CPSF1: variants seen among roughly 807,000 people sequenced by gnomAD.
CPSF1 encodes the protein cleavage and polyadenylation specific factor 1, also known as cleavage and polyadenylation specificity factor subunit 1.
CPSF1 carries 106 observed loss-of-function variants against 175.8 expected under a neutral mutation model. The ratio of observed to expected loss-of-function variants is 0.60; its 90% CI spans 0.52 to 0.71. The LOEUF (loss-of-function observed/expected upper bound fraction) is 0.71. Ranked by LOEUF, CPSF1 falls within the 30% of genes least tolerant of loss-of-function variation. The pLI is 0.00. For synonymous variants in CPSF1, 1,024 were observed against 858.3 expected (o/e 1.19, Z -3.37); for missense variants, 1,734 against 2,022.9 (o/e 0.86, Z 2.74).
At position 144,401,018 on chromosome 8, in the gene CPSF1, A is replaced by G. The variant is rs2116880540; in HGVS notation, c.445T>C (p.Cys149Arg). The change falls in exon 6 of 38, where the codon TGT becomes CGT. Residue 149 changes from cysteine (C) to arginine (R), a missense_variant. Around this residue, in one of 10 missense-constraint regions of CPSF1, gnomAD observed 122 missense variants for 177.2 expected, o/e 0.69. Transcript: ENST00000616140. ...PRVRVDPDGR[C>R]AAMLVYGTRL... ...GTGCCGTAGACAAGCATGGCTGCAC[A>G]GCGCCCGTCGGGGTCCACCCGCACT... is the stretch of plus-strand genomic sequence containing the variant. 5 of 1,609,706 alleles carry G rather than the reference A, an allele frequency of 3.1e-6. No individual in the cohort carries two copies. The highest frequency in any genetic ancestry group is 4.2e-6 in the Non-Finnish European group (5 of 1,177,896).
At position 144,399,912 on chromosome 8, in the gene CPSF1, G is replaced by A. The variant is rs2116867828; in HGVS notation, c.1032-44C>T. The stretch of plus-strand genomic sequence containing the variant: ...CTGAGTCGGGGATGGGGACCCTGGG[G>A]GAGTGAAGGGGGCCAGGGGACCCTA... On this transcript the variant is annotated intron_variant, in intron 10 of 37. Transcript: ENST00000616140. This position sits in a 1 kb window ranked among gnomAD's most constrained non-coding sequence, Gnocchi z 6.4. The A allele has an allele frequency of 1.3e-6, 2 of 1,557,664 alleles. No homozygotes were observed. Among genetic ancestry groups the A allele is most frequent in the East Asian group, 2.4e-5 (1 of 42,390 alleles).
rs1390839885 is a variant in CPSF1 at position 144,398,232 on chromosome 8, C to A, written c.1894+70G>T. The A allele has an allele frequency of 4.7e-6, 5 of 1,068,932 alleles. No homozygotes were observed. In the African/African-American group the frequency reaches 5.3e-5, roughly 11 times the overall value. The allele number at this position is 1,068,932 out of a possible 1,614,324, so 66.2% of individuals were successfully genotyped here. A position where few individuals can be genotyped will look rare whatever the true frequency, so the allele number is the denominator to read the frequency against. On this transcript the variant is annotated intron_variant, in intron 19 of 37. Transcript: ENST00000616140. ...TGCCCAGGGCCCAACCACCTCCCCC[C>A]CACCGTCCCCACCCACCTACCTCCT...
chr8:144,396,546 A>G, intron 25 of CPSF1, 46 bp from the exon 26 acceptor site: 1 of 1,608,234 alleles, frequency 6.2e-7, no homozygotes, highest in Non-Finnish European at 8.5e-7. Context: ...GATGCTGCGG[A>G]TGAGGCCGCG....
intron 2 of CPSF1, among the ~76,000 whole-genome samples, chr8:144,402,554 C>T (rs2116892005): frequency 1.1e-3 from 171 of 152,318 alleles, no homozygotes; most frequent in African/African-American, 3.9e-3. Flanking sequence ...ATCCGCCCAC[C>T]TTAGCCTCCC....
At chr8:144,404,712 T>G (rs2116899472) in intron 2 of CPSF1, among the ~76,000 whole-genome samples, 9 of 150,570 alleles carry the variant, frequency 6.0e-5, no homozygotes, top group Non-Finnish European at 8.9e-5. Flanking sequence ...CATAGTCAAA[T>G]GGTCTAACTG....
chr8:144,398,392 T>A lies in CPSF1; in HGVS notation c.1804A>T (p.Thr602Ser), dbSNP rs1554864934. 1 of 1,612,784 alleles carries A rather than the reference T, an allele frequency of 6.2e-7. No homozygotes were observed. Among genetic ancestry groups the A allele is most frequent in the Non-Finnish European group, 8.5e-7 (1 of 1,179,654 alleles). Residue 602 changes from threonine to serine, a missense_variant, in exon 19 of 38, where the codon ACT becomes TCT. By Grantham distance (58) the Thr-to-Ser change is moderately conservative. Around this residue, in one of 10 missense-constraint regions of CPSF1, gnomAD observed 280 missense variants for 349.2 expected, o/e 0.80. Transcript: ENST00000616140. Reference sequence around the variant, plus strand: ...CCAGCAAAGACCGTGGGGCCCTGAGTGGCGAAGCCACTGGTGTCCAGCTCC... The same window carrying A: ...CCAGCAAAGACCGTGGGGCCCTGAGAGGCGAAGCCACTGGTGTCCAGCTCC... ...IMELDTSGFA[T>S]QGPTVFAGNI...
rs201491291 is a variant in CPSF1, at chr8:144,394,804, G to A, written c.3415-8C>T. 2.0e-5 allele frequency: 33 copies of A among 1,613,488 alleles called. No homozygotes were observed. The South Asian group carries it at 2.3e-4, about 11-fold the overall frequency. On this transcript the variant is annotated splice_region_variant and splice_polypyrimidine_tract_variant and intron_variant, in intron 30 of 37. Transcript: ENST00000616140. ...CACATCCATGATCAAGATCTGGAGG[G>A]CATGGGTATGGCTGTGGGATGGCTG...
At chr8:144,396,963 C>CGG (rs782143278) in intron 23 of CPSF1, 34 bp from the exon 24 acceptor site, 1 of 1,520,060 alleles carries the variant, frequency 6.6e-7, no homozygotes, top group African/African-American at 1.4e-5. Context: ...GGGGAACGGG[C>CGG]AGGGCCATGG....
intron 9 of CPSF1, 31 bp downstream of exon 9, chr8:144,400,135 G>GGGGGGGCCCCCCCCCCCCCCC: frequency 1.2e-5 from 11 of 895,972 alleles, no homozygotes; most frequent in Non-Finnish European, 1.8e-5. Context: ...CCGTCCCCGG[G>GGGGGGGCCCCCCCCCCCCCCC]CCCCCCCCGC....
rs782430609 is a variant in CPSF1 at position 144,394,462 on chromosome 8, A to C, written c.3661T>G (p.Phe1221Val). The C allele has an allele frequency of 6.2e-7, 1 of 1,608,998 alleles. No homozygotes were observed. Among genetic ancestry groups the C allele is most frequent in the Non-Finnish European group, 8.5e-7 (1 of 1,178,412 alleles). ...YIHQMISVKN[F>V]ILAADVMKSI... ...TTCATGACGTCGGCTGCCAGGATGAAGTTCTTGACGCTGATCATCTGGTGT... is the reference window on the plus strand; with the variant it reads ...TTCATGACGTCGGCTGCCAGGATGACGTTCTTGACGCTGATCATCTGGTGT... The change falls in exon 32 of 38, where the codon TTC (phenylalanine) becomes GTC (valine). Residue 1221 changes from phenylalanine to valine, a missense_variant. Coordinates refer to ENST00000616140, the MANE Select transcript of CPSF1 (RefSeq NM_013291.3).
chr8:144,405,026 T>C (rs1387018970), intron 2 of CPSF1, among the ~76,000 whole-genome samples: 2 of 148,280 alleles, frequency 1.3e-5, no homozygotes, highest in South Asian at 2.1e-4. Context: ...GCCTGGGTGA[T>C]AGAGCGAGAC....
Position 144,409,035 on chromosome 8 carries a change from G to T in CPSF1, c.124C>A (p.Arg42Ser). The T allele has an allele frequency of 6.2e-7, 1 of 1,613,452 alleles. No homozygotes were observed. Among genetic ancestry groups the T allele is most frequent in the East Asian group, 2.2e-5 (1 of 44,856 alleles). ...CCTACCTCGGCGTCGCGGTTGAGGC[G>T]GTACACGTAGAGCTGCGAGGTCCCG... ...VAGTSQLYVYRLNRDAEALTK... is the reference protein window; with the variant it reads ...VAGTSQLYVYSLNRDAEALTK... Residue 42 changes from arginine to serine, a missense_variant, in exon 2 of 38, where the codon CGC becomes AGC. By Grantham distance (110) the Arg-to-Ser change is moderately radical. Transcript: ENST00000616140.
rs2116875217 is a variant in CPSF1, at chr8:144,400,443, T to C, written c.737A>G (p.Asn246Ser). The C allele has an allele frequency of 1.2e-6, 2 of 1,613,508 alleles. No individual in the cohort carries two copies. The highest frequency in any genetic ancestry group is 1.7e-6 in the Non-Finnish European group (2 of 1,179,960). ...GACGGGGTGCACCTTCTGCGTGATG[T>C]TCAGTGAGATGGCCACAATGGAGCA... is the stretch of plus-strand genomic sequence containing the variant. ...DTCSIVAISL[N>S]ITQKVHPVIW... The change falls in exon 8 of 38, where the codon AAC becomes AGC. Residue 246 changes from asparagine to serine, a missense_variant. By Grantham distance (46) the Asn-to-Ser change is conservative. This residue lies in a region of CPSF1 where 61 missense variants were observed against 104.0 expected (regional missense o/e 0.59). Transcript: ENST00000616140.
chr8:144,403,911 C>T (rs1821356012), intron 2 of CPSF1, among the ~76,000 whole-genome samples: 6 of 151,540 alleles, frequency 4.0e-5, no homozygotes, highest in Admixed American at 3.9e-4. Context: ...GGGAGTGAAA[C>T]ATTACAAGTT....
intron 25 of CPSF1, 44 bp from the exon 26 acceptor site, chr8:144,396,544 G>C (rs141681260): frequency 1.9e-6 from 3 of 1,608,384 alleles, no homozygotes; most frequent in Non-Finnish European, 2.6e-6. Flanking sequence ...AGGATGCTGC[G>C]GATGAGGCCG....
rs1821097635 is a variant in CPSF1 at position 144,400,146 on chromosome 8, C to CCA, written c.937+19_937+20insTG. 1.4e-6 allele frequency: 2 copies of CCA among 1,387,296 alleles called. No homozygotes were observed. The highest frequency in any genetic ancestry group is 2.0e-6 in the Non-Finnish European group (2 of 1,021,308). The allele number at this position is 1,387,296 out of a possible 1,614,324, so 85.9% of individuals were successfully genotyped here. The stretch of plus-strand genomic sequence containing the variant: ...CAAGCCGTCCCCGGGCCCCCCCCGC[C>CCA]CCAGCCACCCCACACTCACGAAGCG... On this transcript the variant is annotated intron_variant, in intron 9 of 37. Coordinates refer to ENST00000616140, the MANE Select transcript of CPSF1 (RefSeq NM_013291.3).
chr8:144,399,324 G>A lies in CPSF1; in HGVS notation c.1344C>T (p.Tyr448=), dbSNP rs142293100. The stretch of plus-strand genomic sequence containing the variant: ...GTGTTCCCGACTGGGCCTCGCTGCC[G>A]TACACTTCAATCTCGTCCACCTCAT... ...PQDEVDEIEV[Y]GSEAQSGTQL... Residue 448 remains tyrosine (Y), a synonymous_variant, in exon 14 of 38, where the codon TAC becomes TAT. Coordinates refer to ENST00000616140, the MANE Select transcript of CPSF1 (RefSeq NM_013291.3). This position sits in a 1 kb window ranked among gnomAD's most constrained non-coding sequence, Gnocchi z 6.4. The A allele has an allele frequency of 4.6e-4, 748 of 1,612,272 alleles. 2 individuals are homozygous for A. In the African/African-American group the frequency reaches 8.8e-3, roughly 19 times the overall value.
chr8:144,395,558 TGG>T lies in CPSF1; in HGVS notation c.2980-9_2980-8del. The T allele has an allele frequency of 4.8e-6, 1 of 208,630 alleles. No homozygotes were observed. Among genetic ancestry groups the T allele is most frequent in the Non-Finnish European group, 9.3e-6 (1 of 107,566 alleles). 12.9% of individuals were successfully genotyped at this position (208,630 alleles called of 1,614,324 possible). A position where few individuals can be genotyped will look rare whatever the true frequency, so the allele number is the denominator to read the frequency against. On this transcript the variant is annotated splice_polypyrimidine_tract_variant and splice_region_variant and intron_variant, in intron 26 of 37. Transcript: ENST00000616140. ...CACTGATCCTCAGCTCGCCCTGGGG[TGG>T]GGGCACAGGGGTCAGGGGATCCAGG...
chr8:144,396,157 A>G (rs1820712034), intron 26 of CPSF1, 191 bp downstream of exon 26: 2 of 636,322 alleles, frequency 3.1e-6, no homozygotes, highest in Non-Finnish European at 5.3e-6. Flanking sequence ...CCAGCTCCCA[A>G]CCACCCCTTT....
Sources: allele counts gnomAD v4.1 joint callset (sites outside exome capture counted in the v4.1 genomes callset), GRCh38; gene constraint gnomAD v4.1.1; regional missense constraint gnomAD v4.1.1; non-coding constraint Gnocchi (gnomAD v3.1); transcripts MANE v1.5; gene names NCBI Gene and HGNC (gene_info 2026-07-23, HGNC 2026-07-21).